EFNA5: variants seen among roughly 807,000 people sequenced by gnomAD.
The protein encoded by EFNA5 is ephrin-A5.
Under a neutral mutation model 22.9 loss-of-function variants are expected in EFNA5, and 5 were observed. The observed-to-expected ratio is 0.22, with a 90% CI of 0.11 to 0.46. EFNA5 has a LOEUF of 0.46. Among genes scored for constraint, EFNA5 ranks in the 20% least tolerant of loss-of-function variants. The pLI, the probability that EFNA5 is intolerant of heterozygous loss-of-function variation, is 0.99. For synonymous variants in EFNA5, 113 were observed against 112.2 expected (o/e 1.01, Z -0.04); for missense variants, 237 against 293.3 (o/e 0.81, Z 1.40).
At chr5:107,382,807 C>G (rs1747506266) in intron 4 of EFNA5, among the ~76,000 whole-genome samples, 1 of 152,116 alleles carries the variant, frequency 6.6e-6, no homozygotes, top group African/African-American at 2.4e-5. Flanking sequence ...TGCTCAAGGG[C>G]CAGACAGAAT....
intron 1 of EFNA5, among the ~76,000 whole-genome samples, chr5:107,449,978 G>T (rs77912362): frequency 6.6e-6 from 1 of 152,186 alleles, no homozygotes; most frequent in African/African-American, 2.4e-5. Flanking sequence ...TGATGAAGGA[G>T]ATGCTGACAT....
At chr5:107,500,633 C>T (rs1154314) in intron 1 of EFNA5, among the ~76,000 whole-genome samples, 12,351 of 152,088 alleles carry the variant, frequency 0.081, 1,068 homozygotes, top group African/African-American at 0.19. Context: ...ATACATGTAG[C>T]CTGAATGCAC....
chr5:107,559,381 T>C (rs1748489548), intron 1 of EFNA5, among the ~76,000 whole-genome samples: 1 of 152,236 alleles, frequency 6.6e-6, no homozygotes, highest in African/African-American at 2.4e-5. Flanking sequence ...TATATATATT[T>C]GCAACCCTCT....
At chr5:107,555,861 G>A (rs1269567959) in intron 1 of EFNA5, among the ~76,000 whole-genome samples, 2 of 152,160 alleles carry the variant, frequency 1.3e-5, no homozygotes, top group Non-Finnish European at 2.9e-5. Context: ...TGAAAAAGCA[G>A]GATGAGCTTC....
chr5:107,461,911 A>G (rs138439501), intron 1 of EFNA5, among the ~76,000 whole-genome samples: 1 of 152,246 alleles, frequency 6.6e-6, no homozygotes, highest in East Asian at 1.9e-4. Context: ...CTCACCAAAT[A>G]CTTGTACATG....
At chr5:107,554,361 GA>G (rs1175944128) in intron 1 of EFNA5, among the ~76,000 whole-genome samples, 3 of 152,082 alleles carry the variant, frequency 2.0e-5, no homozygotes, top group African/African-American at 4.8e-5. Flanking sequence ...ACCTTTTCTA[GA>G]ATCCTCCCAT....
In EFNA5 at chr5:107,606,858, A is replaced by C. The variant is rs1294870006; in HGVS notation, c.125+63631T>G. Among the ~76,000 whole-genome samples, 28 of 152,114 alleles carry C rather than the reference A, an allele frequency of 1.8e-4. 1 individual carries two copies. Among genetic ancestry groups the C allele is most frequent in the Admixed American group, 1.8e-3 (28 of 15,266 alleles). ...ATGAATAGAAAAGGGTTTCTCCTGG[A>C]GTTTGCTGATGCCAGGAACAGCGCC... On this transcript the variant is annotated intron_variant, in intron 1 of 4. Transcript: ENST00000333274.
intron 1 of EFNA5, among the ~76,000 whole-genome samples, chr5:107,428,798 G>C (rs1363356821): frequency 6.6e-6 from 1 of 152,196 alleles, no homozygotes; most frequent in Non-Finnish European, 1.5e-5. Flanking sequence ...ATGTTGGAAA[G>C]TTTCTTCTTA....
At chr5:107,613,514 C>T (rs1236982164) in intron 1 of EFNA5, among the ~76,000 whole-genome samples, 1 of 152,052 alleles carries the variant, frequency 6.6e-6, no homozygotes, top group Non-Finnish European at 1.5e-5. Flanking sequence ...TGTTCTCTCT[C>T]CATTTCCTCC....
At chr5:107,395,710 G>T (rs1747903615) in intron 2 of EFNA5, among the ~76,000 whole-genome samples, 1 of 152,024 alleles carries the variant, frequency 6.6e-6, no homozygotes, top group Non-Finnish European at 1.5e-5. Context: ...CTTGTTTGTG[G>T]TTATTTTGGT....
At chr5:107,541,138 A>G (rs1748038960) in intron 1 of EFNA5, among the ~76,000 whole-genome samples, 1 of 152,086 alleles carries the variant, frequency 6.6e-6, no homozygotes, top group Non-Finnish European at 1.5e-5. Context: ...AGAAAAAGAA[A>G]AAAATTAACT....
At chr5:107,574,086 A>T (rs1178836381) in intron 1 of EFNA5, among the ~76,000 whole-genome samples, 1 of 152,260 alleles carries the variant, frequency 6.6e-6, no homozygotes, top group Non-Finnish European at 1.5e-5. Context: ...ACAGAATCTT[A>T]GGCTCACTAC....
chr5:107,558,034 G>A (rs1198589484), intron 1 of EFNA5, among the ~76,000 whole-genome samples: 1 of 152,106 alleles, frequency 6.6e-6, no homozygotes, highest in Non-Finnish European at 1.5e-5. Flanking sequence ...TTAGAATAGT[G>A]CCTGGCACAT....
At position 107,607,077 on chromosome 5, in the gene EFNA5, T is replaced by C. The variant is rs116631253; in HGVS notation, c.125+63412A>G. Reference sequence around the variant, plus strand: ...AATTGAAACAAAAACATGAATATGGTCACTCTGCCATTAGCCTTGAGTTTC... The same window carrying C: ...AATTGAAACAAAAACATGAATATGGCCACTCTGCCATTAGCCTTGAGTTTC... On this transcript the variant is annotated intron_variant, in intron 1 of 4. Coordinates refer to ENST00000333274, the MANE Select transcript of EFNA5 (RefSeq NM_001962.3). Among the ~76,000 whole-genome samples, 955 of 152,340 alleles carry C rather than the reference T, an allele frequency of 6.3e-3. 9 individuals are homozygous for C. Among genetic ancestry groups the C allele is most frequent in the African/African-American group, 0.022 (902 of 41,574 alleles).
chr5:107,613,469 G>C (rs1232177578), intron 1 of EFNA5, among the ~76,000 whole-genome samples: 4 of 152,084 alleles, frequency 2.6e-5, no homozygotes, highest in Non-Finnish European at 4.4e-5. Context: ...ACTGATGCTT[G>C]GATGGCATAG....
chr5:107,624,183 A>G (rs1262787423), intron 1 of EFNA5, among the ~76,000 whole-genome samples: 2 of 152,128 alleles, frequency 1.3e-5, no homozygotes, highest in Non-Finnish European at 2.9e-5. Context: ...TTAAAAGGTA[A>G]TATTAACTCA....
At chr5:107,636,247 A>G (rs942162843) in intron 1 of EFNA5, among the ~76,000 whole-genome samples, 1 of 152,230 alleles carries the variant, frequency 6.6e-6, no homozygotes, top group Non-Finnish European at 1.5e-5. Flanking sequence ...TCACTGTTAA[A>G]TGAGAAAAAA....
intron 1 of EFNA5, 101 bp from the exon 2 acceptor site, chr5:107,427,610 T>C: frequency 9.1e-7 from 1 of 1,101,796 alleles, no homozygotes; most frequent in Non-Finnish European, 1.3e-6. Flanking sequence ...CTAAAGCATC[T>C]AGTATAGTAA....
intron 2 of EFNA5, among the ~76,000 whole-genome samples, chr5:107,409,377 G>A (rs974131336): frequency 2.0e-5 from 3 of 152,216 alleles, no homozygotes; most frequent in Non-Finnish European, 4.4e-5. Context: ...TTGGAAGGGT[G>A]TATGGGATGC....
Sources: allele counts gnomAD v4.1 joint callset (sites outside exome capture counted in the v4.1 genomes callset), GRCh38; gene constraint gnomAD v4.1.1; transcripts MANE v1.5; gene names NCBI Gene and HGNC (gene_info 2026-07-23, HGNC 2026-07-21).